RAD23B: variants seen among roughly 807,000 people sequenced by gnomAD.
RAD23B encodes the protein lysine-specific demethylase RAD23B.
Under a neutral mutation model 49.1 loss-of-function variants are expected in RAD23B, and 5 were observed. That is an observed-to-expected ratio of 0.10 (90% CI 0.05 to 0.21). The LOEUF is 0.21. Ranked by LOEUF, RAD23B falls within the 10% of genes least tolerant of loss-of-function variation. The pLI, the probability that RAD23B is intolerant of heterozygous loss-of-function variation, is 1.00. For synonymous variants in RAD23B, 184 were observed against 165.4 expected (o/e 1.11, Z -0.86); for missense variants, 356 against 486.7 (o/e 0.73, Z 2.53).
intron 5 of RAD23B, among the ~76,000 whole-genome samples, chr9:107,312,781 C>G (rs1349661014): frequency 6.6e-6 from 1 of 152,080 alleles, no homozygotes; most frequent in African/African-American, 2.4e-5. Flanking sequence ...CCCAGAGAGG[C>G]AGTAAACTGT....
Position 107,322,091 on chromosome 9 carries a change from G to C in RAD23B, c.790G>C (p.Ala264Pro). 1.9e-6 allele frequency: 3 copies of C among 1,609,360 alleles called. No homozygotes were observed. Among genetic ancestry groups the C allele is most frequent in the Non-Finnish European group, 2.5e-6 (3 of 1,177,772 alleles). Residue 264 changes from alanine to proline, a missense_variant, in exon 7 of 10, where the codon GCA becomes CCA. Coordinates refer to ENST00000358015, the MANE Select transcript of RAD23B (RefSeq NM_002874.5). ...AVAAAAATTT[A>P]TTTTTSSGGH... Reference sequence around the variant, plus strand: ...GGCTGCAGCTGCAGCAACTACGACAGCAACAACTACAACAACAAGTTCTGG... The same window carrying C: ...GGCTGCAGCTGCAGCAACTACGACACCAACAACTACAACAACAAGTTCTGG...
intron 1 of RAD23B, among the ~76,000 whole-genome samples, chr9:107,294,537 GT>G (rs1826459123): frequency 1.3e-5 from 2 of 152,206 alleles, no homozygotes; most frequent in Admixed American, 1.3e-4. Flanking sequence ...GAGAAACCTT[GT>G]GCTGAGTTCA....
intron 1 of RAD23B, among the ~76,000 whole-genome samples, chr9:107,285,144 C>T (rs111570301): frequency 6.6e-6 from 1 of 152,256 alleles, no homozygotes; most frequent in Non-Finnish European, 1.5e-5. Context: ...TACAGGAGAT[C>T]TCAGTTATAC....
intron 9 of RAD23B, among the ~76,000 whole-genome samples, chr9:107,328,447 C>A (rs1034001481): frequency 2.0e-5 from 3 of 152,244 alleles, no homozygotes; most frequent in African/African-American, 7.2e-5. Flanking sequence ...GAAACTGTTT[C>A]ATCTCACATC....
chr9:107,285,338 A>G lies in RAD23B; in HGVS notation c.66+1643A>G, dbSNP rs529467281. Among the ~76,000 whole-genome samples the G allele has an allele frequency of 8.7e-4, 133 of 152,336 alleles. 1 individual carries two copies. The highest frequency in any genetic ancestry group is 3.0e-3 in the African/African-American group (126 of 41,588). The stretch of plus-strand genomic sequence containing the variant: ...ACAAACTACGTAAAATGCCTATTTG[A>G]CTTTGGTTCTTTGTGGTAACAAATG... On this transcript the variant is annotated intron_variant, in intron 1 of 9. Coordinates refer to ENST00000358015, the MANE Select transcript of RAD23B (RefSeq NM_002874.5).
chr9:107,301,984 G>A (rs11573665), intron 2 of RAD23B, 51 bp from the exon 3 acceptor site: 196,095 of 1,587,248 alleles, frequency 0.12, 12,684 homozygotes, highest in South Asian at 0.15. Context: ...TAACTGAAGT[G>A]TAAGAGAAAG....
At chr9:107,292,768 A>G (rs996314152) in intron 1 of RAD23B, among the ~76,000 whole-genome samples, 2 of 151,732 alleles carry the variant, frequency 1.3e-5, no homozygotes, top group African/African-American at 4.8e-5. Context: ...ATGAGTAGCC[A>G]GGATTCAAAT....
chr9:107,285,004 C>T lies in RAD23B; in HGVS notation c.66+1309C>T, dbSNP rs866445991. 97 of 1,237,004 alleles carry T rather than the reference C, an allele frequency of 7.8e-5. No individual in the cohort carries two copies. In the African/African-American group the frequency reaches 1.5e-3, roughly 19 times the overall value. 76.6% of individuals were successfully genotyped at this position (1,237,004 alleles called of 1,614,324 possible). On this transcript the variant is annotated intron_variant, in intron 1 of 9. Coordinates refer to ENST00000358015, the MANE Select transcript of RAD23B (RefSeq NM_002874.5). ...AGATACAGTGTTACGTTTTACTTATCTCATTTAATCTTAAGTTTTGTACAT... is the reference window on the plus strand; with the variant it reads ...AGATACAGTGTTACGTTTTACTTATTTCATTTAATCTTAAGTTTTGTACAT...
chr9:107,284,871 A>G, intron 1 of RAD23B: 1 of 1,242,446 alleles, frequency 8.0e-7, no homozygotes, highest in South Asian at 1.3e-5. Flanking sequence ...TTCTCTGTAT[A>G]ATAGGGATAA....
At chr9:107,310,548 A>G (rs1027396659) in intron 4 of RAD23B, among the ~76,000 whole-genome samples, 3 of 152,214 alleles carry the variant, frequency 2.0e-5, no homozygotes, top group Non-Finnish European at 4.4e-5. Context: ...ACAAGTTGTT[A>G]TTCTTTTAAA....
At position 107,331,273 on chromosome 9, in the gene RAD23B, TG is replaced by T; in HGVS notation, c.*1620del. ...ATCCCAGCACTTTGGGAGGCCGAGG[TG>T]GGCAGATCACTTGAGGCCAGGAGAT... On this transcript the variant is annotated 3_prime_UTR_variant, in exon 10 of 10. Coordinates refer to ENST00000358015, the MANE Select transcript of RAD23B (RefSeq NM_002874.5). 6.2e-6 allele frequency: 1 copy of T among 162,138 alleles called. No individual in the cohort carries two copies. The highest frequency in any genetic ancestry group is 1.3e-5 in the Non-Finnish European group (1 of 74,360). The allele number at this position is 162,138 out of a possible 1,614,324, so 10.0% of individuals were successfully genotyped here. A position where few individuals can be genotyped will look rare whatever the true frequency, so the allele number is the denominator to read the frequency against.
chr9:107,323,110 G>A (rs1016408979), intron 7 of RAD23B, among the ~76,000 whole-genome samples: 21 of 152,082 alleles, frequency 1.4e-4, no homozygotes, highest in Non-Finnish European at 2.2e-4. Flanking sequence ...AACAATTCCT[G>A]TATGTACGAT....
chr9:107,306,698 A>T, intron 4 of RAD23B, 51 bp downstream of exon 4: 1 of 1,536,436 alleles, frequency 6.5e-7, no homozygotes, highest in Non-Finnish European at 8.9e-7. Context: ...GTTTAACAGG[A>T]ACTTCATGCA....
intron 9 of RAD23B, among the ~76,000 whole-genome samples, chr9:107,326,848 C>A (rs931081324): frequency 1.3e-5 from 2 of 151,722 alleles, no homozygotes; most frequent in Admixed American, 6.6e-5. Flanking sequence ...ACATGTTAGC[C>A]AGGGATGGTC....
At chr9:107,306,115 CTT>C (rs1385382354) in intron 3 of RAD23B, among the ~76,000 whole-genome samples, 2 of 121,392 alleles carry the variant, frequency 1.6e-5, no homozygotes, top group East Asian at 2.2e-4. Flanking sequence ...TTTATATTAA[CTT>C]GATATGAAGA....
chr9:107,287,740 A>C (rs887260987), intron 1 of RAD23B, among the ~76,000 whole-genome samples: 2 of 149,822 alleles, frequency 1.3e-5, no homozygotes, highest in African/African-American at 2.5e-5. Context: ...AGGCTGAGGC[A>C]GGAGAGTCGC....
At chr9:107,303,941 A>G (rs1483953602) in intron 3 of RAD23B, among the ~76,000 whole-genome samples, 1 of 152,216 alleles carries the variant, frequency 6.6e-6, no homozygotes, top group Non-Finnish European at 1.5e-5. Flanking sequence ...GCCTATCATT[A>G]TATTGCATAC....
In RAD23B at chr9:107,283,334, T is replaced by C; in HGVS notation, c.-296T>C. 1 of 417,844 alleles carries C rather than the reference T, an allele frequency of 2.4e-6. No individual in the cohort carries two copies. The highest frequency in any genetic ancestry group is 4.2e-6 in the Non-Finnish European group (1 of 239,586). 25.9% of individuals were successfully genotyped at this position (417,844 alleles called of 1,614,324 possible). On this transcript the variant is annotated 5_prime_UTR_variant, in exon 1 of 10. Coordinates refer to ENST00000358015, the MANE Select transcript of RAD23B (RefSeq NM_002874.5). Reference sequence around the variant, plus strand: ...GGTGAGCTAGCGGATTCCCTGCTTGTCTCGCCGACCCCCTCGCGCCTTCTG... The same window carrying C: ...GGTGAGCTAGCGGATTCCCTGCTTGCCTCGCCGACCCCCTCGCGCCTTCTG...
chr9:107,299,492 C>T (rs1826602817), intron 1 of RAD23B, among the ~76,000 whole-genome samples: 1 of 152,172 alleles, frequency 6.6e-6, no homozygotes, highest in Admixed American at 6.5e-5. Flanking sequence ...ATTCCAGCTC[C>T]TCTTACAGAT....
Sources: gnomAD v4.1 joint callset for allele counts (sites outside exome capture counted in the v4.1 genomes callset) on GRCh38, gnomAD v4.1.1 for gene constraint, MANE v1.5 for transcripts, NCBI Gene and HGNC (gene_info 2026-07-23, HGNC 2026-07-21) for gene names.